The following TBC1D19 variants were observed in gnomAD, a reference collection of about 807,000 sequenced individuals.
TBC1D19 encodes the protein TBC1 domain family member 19.
TBC1D19 carries 60 observed loss-of-function variants against 89.0 expected under a neutral mutation model. The ratio of observed to expected loss-of-function variants is 0.67; its 90% CI spans 0.55 to 0.84. The LOEUF is 0.84. Ranked by LOEUF, TBC1D19 falls within the 40% of genes least tolerant of loss-of-function variation. The pLI, the probability that TBC1D19 is intolerant of heterozygous loss-of-function variation, is 0.00. For missense variants in TBC1D19, 500 were observed against 610.8 expected (o/e 0.82, Z 1.91); for synonymous variants, 189 against 199.7 (o/e 0.95, Z 0.45).
chr4:26,817,983 T>C, the TBC1D19 span, among the ~76,000 whole-genome samples: 3 of 115,718 alleles, frequency 2.6e-5, no homozygotes, highest in African/African-American at 1.2e-4. Flanking sequence ...AAAAAAAAAA[T>C]ATATATATAT....
chr4:26,625,091 A>G (rs1742308431), intron 4 of TBC1D19, among the ~76,000 whole-genome samples: 1 of 152,062 alleles, frequency 6.6e-6, no homozygotes, highest in Non-Finnish European at 1.5e-5. Flanking sequence ...AGTTTTATGA[A>G]TTACTTTAAC....
chr4:26,640,250 T>A, intron 7 of TBC1D19, 63 bp downstream of exon 7: 1 of 1,332,554 alleles, frequency 7.5e-7, no homozygotes, highest in South Asian at 1.2e-5. Flanking sequence ...AATGATGATG[T>A]AAAAATATAT....
intron 13 of TBC1D19, among the ~76,000 whole-genome samples, chr4:26,709,273 A>C (rs2109236757): frequency 6.6e-6 from 1 of 152,010 alleles, no homozygotes; most frequent in East Asian, 1.9e-4. Context: ...TCACTTTCTA[A>C]TTTCCCCCTT....
chr4:26,848,685 G>T, the TBC1D19 span, among the ~76,000 whole-genome samples: 6 of 152,190 alleles, frequency 3.9e-5, no homozygotes, highest in African/African-American at 1.4e-4. Context: ...AAGCTCTTTT[G>T]CTGTTGTTAC....
chr4:26,688,214 T>G, intron 12 of TBC1D19, 131 bp from the exon 13 acceptor site: 2 of 1,268,968 alleles, frequency 1.6e-6, no homozygotes, highest in East Asian at 3.5e-5. Context: ...AATGATAAAA[T>G]TTAATTGAGA....
chr4:26,741,341 C>T (rs548679115), intron 17 of TBC1D19, among the ~76,000 whole-genome samples: 24 of 119,004 alleles, frequency 2.0e-4, no homozygotes, highest in Non-Finnish European at 3.4e-4. Flanking sequence ...CCGGCCTGGG[C>T]GACAGAGCGA....
At chr4:26,756,293 A>G (rs115885803), downstream of TBC1D19, among the ~76,000 whole-genome samples, 390 of 152,308 alleles carry the variant, frequency 2.6e-3, 4 homozygotes, top group African/African-American at 9.1e-3. Flanking sequence ...ACAAGCACAC[A>G]CCCATGACTA....
chr4:26,657,492 G>A (rs576976075), intron 7 of TBC1D19, among the ~76,000 whole-genome samples: 271 of 152,166 alleles, frequency 1.8e-3, no homozygotes, highest in African/African-American at 6.2e-3. Flanking sequence ...TGATTTATGG[G>A]CATTTGGGTT....
At chr4:26,792,701 A>G in the TBC1D19 span, among the ~76,000 whole-genome samples, 31 of 152,206 alleles carry the variant, frequency 2.0e-4, no homozygotes, top group Non-Finnish European at 4.4e-5. Context: ...TAAGTACTCT[A>G]TTCTCTCCAA....
At chr4:26,784,489 A>G in the TBC1D19 span, among the ~76,000 whole-genome samples, 1 of 152,196 alleles carries the variant, frequency 6.6e-6, no homozygotes, top group East Asian at 1.9e-4. Context: ...CTCAGATCTT[A>G]GGCTATGGCT....
intron 13 of TBC1D19, among the ~76,000 whole-genome samples, chr4:26,696,566 C>G (rs1255801768): frequency 6.6e-6 from 1 of 152,222 alleles, no homozygotes; most frequent in South Asian, 2.1e-4. Flanking sequence ...TTCTTCTCAG[C>G]ACCACATCAC....
intron 13 of TBC1D19, among the ~76,000 whole-genome samples, chr4:26,688,620 A>T (rs1326753179): frequency 6.6e-6 from 1 of 150,470 alleles, no homozygotes; most frequent in African/African-American, 2.5e-5. Flanking sequence ...TTTTTGTCAT[A>T]TATGGTACAT....
At chr4:26,766,039 G>A in the TBC1D19 span, among the ~76,000 whole-genome samples, 2 of 152,112 alleles carry the variant, frequency 1.3e-5, no homozygotes, top group Non-Finnish European at 2.9e-5. Context: ...ATGGTGGGGA[G>A]GTGGGGAGAG....
chr4:26,635,540 T>C (rs1411609787), intron 4 of TBC1D19, among the ~76,000 whole-genome samples: 2 of 152,180 alleles, frequency 1.3e-5, no homozygotes, highest in East Asian at 3.8e-4. Context: ...TCTATAAATG[T>C]AGTAAACTGA....
chr4:26,708,045 T>C (rs1256407347), intron 13 of TBC1D19, among the ~76,000 whole-genome samples: 1 of 152,086 alleles, frequency 6.6e-6, no homozygotes, highest in African/African-American at 2.4e-5. Context: ...TTTGTTACAA[T>C]AGTATTATTT....
intron 1 of TBC1D19, among the ~76,000 whole-genome samples, chr4:26,578,568 G>C (rs912488614): frequency 2.0e-5 from 3 of 151,840 alleles, no homozygotes; most frequent in Non-Finnish European, 4.4e-5. Context: ...TTCTGGAGTA[G>C]AAATGTAAGA....
chr4:26,711,198 T>C (rs1398282496), intron 13 of TBC1D19, among the ~76,000 whole-genome samples: 1 of 152,184 alleles, frequency 6.6e-6, no homozygotes, highest in East Asian at 1.9e-4. Flanking sequence ...AATTAATTTT[T>C]GCATAAGGTG....
At chr4:26,775,958 C>T in the TBC1D19 span, among the ~76,000 whole-genome samples, 1 of 152,060 alleles carries the variant, frequency 6.6e-6, no homozygotes, top group Non-Finnish European at 1.5e-5. Context: ...CAAGGTTTCC[C>T]ATCTTCAGTC....
chr4:26,731,252 A>C (rs532069720), intron 15 of TBC1D19, among the ~76,000 whole-genome samples: 5 of 152,214 alleles, frequency 3.3e-5, no homozygotes, highest in Non-Finnish European at 5.9e-5. Flanking sequence ...ATTATGAAGG[A>C]GTAGGGCAGG....
Sources: allele counts gnomAD v4.1 joint callset (sites outside exome capture counted in the v4.1 genomes callset), GRCh38; gene constraint gnomAD v4.1.1; transcripts MANE v1.5; gene names NCBI Gene and HGNC (gene_info 2026-07-23, HGNC 2026-07-21).